Variants in CASQ2 observed in about 807,000 individuals in gnomAD.
The protein encoded by CASQ2 is calsequestrin-2.
In CASQ2, 49 loss-of-function variants were observed where a neutral mutation model predicts 46.5. That is an observed-to-expected ratio of 1.05 (90% confidence interval 0.84 to 1.34). CASQ2 has a LOEUF of 1.34. Among genes scored for constraint, CASQ2 ranks in the 40% most tolerant of loss-of-function variants. The probability of loss-of-function intolerance (pLI) is 0.00; values close to 1 mark genes in which losing one functional copy is unlikely to be tolerated. For synonymous variants in CASQ2, 174 were observed against 168.5 expected (o/e 1.03, Z -0.25); for missense variants, 486 against 481.3 (o/e 1.01, Z -0.09).
At chr1:115,717,686 C>T (rs749515598) in intron 8 of CASQ2, among the ~76,000 whole-genome samples, 154 bp downstream of exon 8, 23 of 152,312 alleles carry the variant, frequency 1.5e-4, no homozygotes, top group East Asian at 7.7e-4. Flanking sequence ...CAATTGAAAA[C>T]GAACTCATAC....
At chr1:115,729,461 C>T (rs1358919973) in intron 5 of CASQ2, among the ~76,000 whole-genome samples, 1 of 152,108 alleles carries the variant, frequency 6.6e-6, no homozygotes, top group Non-Finnish European at 1.5e-5. Context: ...GTGGGGCCTA[C>T]TGAACCCAAG....
intron 1 of CASQ2, among the ~76,000 whole-genome samples, chr1:115,751,153 C>A (rs1648566098): frequency 6.6e-6 from 1 of 152,224 alleles, no homozygotes; most frequent in African/African-American, 2.4e-5. Context: ...CAGTTCTTGG[C>A]ATGCAGTAAG....
chr1:115,765,324 C>T (rs1649100716), intron 1 of CASQ2, among the ~76,000 whole-genome samples: 1 of 152,200 alleles, frequency 6.6e-6, no homozygotes, highest in Non-Finnish European at 1.5e-5. Flanking sequence ...GCAGTGACCT[C>T]CTCACTCTGT....
rs1168052367 is a variant in CASQ2, at chr1:115,725,479, A to G, written c.783+29T>C. 2.5e-6 allele frequency: 4 copies of G among 1,611,026 alleles called. 1 individual carries two copies. The highest frequency in any genetic ancestry group is 3.4e-6 in the Non-Finnish European group (4 of 1,177,806). ...TCTTTGGGACTATACTCATCTCTAC[A>G]AGGCAAAGAGAGTTTGCCTCTTTCT... On this transcript the variant is annotated intron_variant, in intron 7 of 10. Coordinates refer to ENST00000261448, the MANE Select transcript of CASQ2 (RefSeq NM_001232.4).
rs2101095501 is a variant in CASQ2, at chr1:115,740,713, T to G, written c.420+15A>C. The G allele has an allele frequency of 6.6e-7, 1 of 1,509,772 alleles. No individual in the cohort carries two copies. The highest frequency in any genetic ancestry group is 2.3e-5 in the East Asian group (1 of 44,362). 93.5% of individuals were successfully genotyped at this position (1,509,772 alleles called of 1,614,324 possible). A position where few individuals can be genotyped will look rare whatever the true frequency, so the allele number is the denominator to read the frequency against. ...GAGGCAGCTCCATGCAGGGTCACTG[T>G]GTATAAATACTTACATCCAAGAGGA... On this transcript the variant is annotated intron_variant, in intron 3 of 10. Transcript: ENST00000261448.
intron 1 of CASQ2, among the ~76,000 whole-genome samples, chr1:115,757,957 T>C (rs1303133017): frequency 1.3e-5 from 2 of 152,206 alleles, no homozygotes; most frequent in Non-Finnish European, 2.9e-5. Context: ...AAATTCCAAG[T>C]GCCAAGCAAC....
intron 5 of CASQ2, among the ~76,000 whole-genome samples, chr1:115,728,734 A>T (rs1008990834): frequency 5.3e-5 from 8 of 152,270 alleles, no homozygotes; most frequent in African/African-American, 1.9e-4. Flanking sequence ...AATGATTATC[A>T]TAGTTATTTT....
chr1:115,763,754 A>G (rs1020273904), intron 1 of CASQ2, among the ~76,000 whole-genome samples: 2 of 152,194 alleles, frequency 1.3e-5, no homozygotes, highest in African/African-American at 4.8e-5. Flanking sequence ...GCCATCTCTC[A>G]AGCACTTCAA....
rs114232126 is a variant in CASQ2 at position 115,730,468 on chromosome 1, G to A, written c.606+2433C>T. 4.0e-3 allele frequency among the ~76,000 whole-genome samples: 611 copies of A among 152,236 alleles called. 7 individuals are homozygous for A. Among genetic ancestry groups the A allele is most frequent in the Middle Eastern group, 6.8e-3 (2 of 294 alleles). ...TCCCTGGCACTAAGAAGAGTGCCTG[G>A]CACATAAAGGGCACTCAATAAATAC... On this transcript the variant is annotated intron_variant, in intron 5 of 10. Coordinates refer to ENST00000261448, the MANE Select transcript of CASQ2 (RefSeq NM_001232.4).
intron 10 of CASQ2, 104 bp from the exon 11 acceptor site, chr1:115,701,530 T>TA: frequency 1.3e-6 from 1 of 768,320 alleles, no homozygotes. Context: ...CCGACTCTCT[T>TA]ACACTTATTA....
chr1:115,705,302 G>T lies in CASQ2; in HGVS notation c.839-10C>A, dbSNP rs1285000814. On this transcript the variant is annotated splice_polypyrimidine_tract_variant and intron_variant, in intron 8 of 10. Transcript: ENST00000261448. ...AGGAATTCGTAGCCATCTGAAACAGGATTCAAGAGAGTTGAGTAACCCCTG... is the reference window on the plus strand; with the variant it reads ...AGGAATTCGTAGCCATCTGAAACAGTATTCAAGAGAGTTGAGTAACCCCTG... 6 of 1,590,388 alleles carry T rather than the reference G, an allele frequency of 3.8e-6. No homozygotes were observed. Among genetic ancestry groups the T allele is most frequent in the Non-Finnish European group, 2.6e-6 (3 of 1,158,516 alleles).
intron 1 of CASQ2, among the ~76,000 whole-genome samples, chr1:115,747,709 A>G (rs1557801058): frequency 6.6e-6 from 1 of 152,236 alleles, no homozygotes. Context: ...ATTTATATCT[A>G]ATCAGTTAAA....
intron 1 of CASQ2, among the ~76,000 whole-genome samples, chr1:115,760,280 C>G (rs2101119860): frequency 6.6e-6 from 1 of 152,320 alleles, no homozygotes; most frequent in East Asian, 1.9e-4. Context: ...CAGTGCTTTG[C>G]AAACTTTAAT....
In CASQ2 at chr1:115,725,557, G is replaced by GA. The variant is rs56889721; in HGVS notation, c.738-5dup. The GA allele has an allele frequency of 0.036, 50,059 of 1,378,478 alleles. 398 individuals carry two copies. The highest frequency in any genetic ancestry group is 0.11 in the African/African-American group (6,625 of 58,140). The allele number at this position is 1,378,478 out of a possible 1,614,324, so 85.4% of individuals were successfully genotyped here. On this transcript the variant is annotated splice_region_variant and splice_polypyrimidine_tract_variant and intron_variant, in intron 6 of 10. Coordinates refer to ENST00000261448, the MANE Select transcript of CASQ2 (RefSeq NM_001232.4). ...GCGCAGGCGACGTAGAGTGGGTCTG[G>GA]AAAAAAAAAAAAAAAAAAAAAAAGA...
rs547590343 is a variant in CASQ2 at position 115,747,356 on chromosome 1, CAT to C, written c.235-2446_235-2445del. Among the ~76,000 whole-genome samples the C allele has an allele frequency of 5.5e-3, 834 of 152,296 alleles. 12 individuals are homozygous for C. The highest frequency in any genetic ancestry group is 0.019 in the African/African-American group (793 of 41,580). The stretch of plus-strand genomic sequence containing the variant: ...TATGTCTGTTCCTCTGCCAACACCA[CAT>C]AGTCTTGATTGCAGTAGCTAGGATC... On this transcript the variant is annotated intron_variant, in intron 1 of 10. Coordinates refer to ENST00000261448, the MANE Select transcript of CASQ2 (RefSeq NM_001232.4).
In CASQ2 at chr1:115,701,016, C is replaced by T. The variant is rs1389053304; in HGVS notation, c.*225G>A. ...GTTCCGTGACAGTCAAGACAGTCAA[C>T]ATGGGAATAATTTTTCTCCTGTCCC... is the stretch of plus-strand genomic sequence containing the variant. On this transcript the variant is annotated 3_prime_UTR_variant, in exon 11 of 11. Coordinates refer to ENST00000261448, the MANE Select transcript of CASQ2 (RefSeq NM_001232.4). 7.5e-6 allele frequency: 5 copies of T among 665,150 alleles called. No individual in the cohort carries two copies. The highest frequency in any genetic ancestry group is 2.3e-5 in the Admixed American group (1 of 42,740). The allele number at this position is 665,150 out of a possible 1,614,324, so 41.2% of individuals were successfully genotyped here.
At chr1:115,709,880 T>C (rs531678446) in intron 8 of CASQ2, among the ~76,000 whole-genome samples, 1 of 152,328 alleles carries the variant, frequency 6.6e-6, no homozygotes, top group South Asian at 2.1e-4. Flanking sequence ...TCTTGCTCTG[T>C]TCCCCAGGCT....
chr1:115,739,018 T>C (rs1648065937), intron 3 of CASQ2, among the ~76,000 whole-genome samples: 1 of 150,734 alleles, frequency 6.6e-6, no homozygotes, highest in South Asian at 2.1e-4. Context: ...AACATAATGT[T>C]CTCCAATTCC....
intron 1 of CASQ2, 85 bp from the exon 2 acceptor site, chr1:115,744,997 T>C (rs566358924): frequency 1.0e-6 from 1 of 973,344 alleles, no homozygotes; most frequent in South Asian, 1.3e-5. Flanking sequence ...CATGTATCAA[T>C]GGAAGGGTTT....
Sources: gnomAD v4.1 joint callset for allele counts (sites outside exome capture counted in the v4.1 genomes callset) on GRCh38, gnomAD v4.1.1 for gene constraint, MANE v1.5 for transcripts, NCBI Gene and HGNC (gene_info 2026-07-23, HGNC 2026-07-21) for gene names.